FIP1L1: variants seen among roughly 807,000 people sequenced by gnomAD.
The protein encoded by FIP1L1 is factor interacting with PAPOLA and CPSF1, also known as pre-mRNA 3'-end-processing factor FIP1.
In FIP1L1, 21 loss-of-function variants were observed where a neutral mutation model predicts 84.6. The observed-to-expected ratio is 0.25, with a 90% CI of 0.18 to 0.36. The LOEUF is 0.36. FIP1L1 is among the 10% of genes least tolerant of loss of function. The pLI, the probability that FIP1L1 is intolerant of heterozygous loss-of-function variation, is 1.00. For missense variants in FIP1L1, 526 were observed against 751.1 expected (o/e 0.70, Z 3.50); for synonymous variants, 263 against 242.3 (o/e 1.09, Z -0.80).
intron 10 of FIP1L1, among the ~76,000 whole-genome samples, chr4:53,409,086 T>A (rs943594296): frequency 6.6e-6 from 1 of 152,212 alleles, no homozygotes; most frequent in African/African-American, 2.4e-5. Flanking sequence ...TTTTAGAGTT[T>A]CGAGTTTTTC....
intron 7 of FIP1L1, 67 bp from the exon 8 acceptor site, chr4:53,390,942 A>G (rs1323284652): frequency 1.2e-5 from 15 of 1,280,644 alleles, no homozygotes; most frequent in South Asian, 9.4e-5. Flanking sequence ...ATAGTTTAGT[A>G]TATTTTTGAT....
chr4:53,382,253 G>C (rs1437727048), intron 3 of FIP1L1, 25 bp from the exon 4 acceptor site: 3 of 1,568,144 alleles, frequency 1.9e-6, no homozygotes, highest in Non-Finnish European at 2.6e-6. Context: ...TGCCTGACAT[G>C]TATACTTACT....
chr4:53,451,246 T>C (rs1715723966), intron 15 of FIP1L1, among the ~76,000 whole-genome samples: 1 of 151,646 alleles, frequency 6.6e-6, no homozygotes, highest in African/African-American at 2.4e-5. Context: ...CCTGGGATTA[T>C]AGGCATGAAC....
At chr4:53,404,416 G>A (rs1560513447) in intron 10 of FIP1L1, among the ~76,000 whole-genome samples, 1 of 151,896 alleles carries the variant, frequency 6.6e-6, no homozygotes, top group Non-Finnish European at 1.5e-5. Flanking sequence ...TGTCATTGTT[G>A]GACATTTGGG....
rs1322195199 is a variant in FIP1L1, at chr4:53,391,280, C to T, written c.636+141C>T. The T allele has an allele frequency of 6.8e-6, 8 of 1,179,798 alleles. No homozygotes were observed. The East Asian group carries it at 1.9e-4, about 28-fold the overall frequency. 73.1% of individuals were successfully genotyped at this position (1,179,798 alleles called of 1,614,324 possible). A position where few individuals can be genotyped will look rare whatever the true frequency, so the allele number is the denominator to read the frequency against. On this transcript the variant is annotated intron_variant, in intron 8 of 17. Transcript: ENST00000337488. ...CATTTTGTTTACCATGTTTGTTTTTCCCTTCCCTCCCTTTTAGAGTTTCGT... is the reference window on the plus strand; with the variant it reads ...CATTTTGTTTACCATGTTTGTTTTTTCCTTCCCTCCCTTTTAGAGTTTCGT...
intron 10 of FIP1L1, 66 bp from the exon 11 acceptor site, chr4:53,414,549 A>C: frequency 1.8e-6 from 2 of 1,102,840 alleles, no homozygotes; most frequent in Admixed American, 5.1e-5. Context: ...AAAAAAAAAA[A>C]AACAGAACAA....
In FIP1L1 at chr4:53,379,098, T is replaced by C; in HGVS notation, c.111T>C (p.Ser37=). The part of the protein sequence containing the change: ...YGGPWDVHVH[S]DLAKDLDENE... Reference sequence around the variant, plus strand: ...GCCCATGGGACGTGCATGTGCACAGTGATTTGGCAAAGGACCTAGGTTAGT... The same window carrying C: ...GCCCATGGGACGTGCATGTGCACAGCGATTTGGCAAAGGACCTAGGTTAGT... The change falls in exon 2 of 18, where the codon AGT becomes AGC. Residue 37 remains serine (S), a synonymous_variant. Coordinates refer to ENST00000337488, the MANE Select transcript of FIP1L1 (RefSeq NM_030917.4). 6.2e-7 allele frequency: 1 copy of C among 1,614,142 alleles called. No homozygotes were observed. Among genetic ancestry groups the C allele is most frequent in the Non-Finnish European group, 8.5e-7 (1 of 1,179,990 alleles).
chr4:53,447,057 A>C (rs562906323), intron 15 of FIP1L1, among the ~76,000 whole-genome samples: 14 of 152,250 alleles, frequency 9.2e-5, no homozygotes, highest in South Asian at 4.1e-4. Flanking sequence ...TAGTAAAACA[A>C]GGTTTTAGAA....
chr4:53,460,729 A>AT lies in FIP1L1; in HGVS notation c.*1287dup. 1.7e-6 allele frequency: 1 copy of AT among 593,918 alleles called. No individual in the cohort carries two copies. Among genetic ancestry groups the AT allele is most frequent in the Non-Finnish European group, 2.8e-6 (1 of 356,588 alleles). 36.8% of individuals were successfully genotyped at this position (593,918 alleles called of 1,614,324 possible). ...CACTGAAAAAAAACTAGTAGTTTTAATTTTTTTGGAATCATATTTTCTGAG... is the reference window on the plus strand; with the variant it reads ...CACTGAAAAAAAACTAGTAGTTTTAATTTTTTTTGGAATCATATTTTCTGAG... On this transcript the variant is annotated 3_prime_UTR_variant, in exon 18 of 18. Coordinates refer to ENST00000337488, the MANE Select transcript of FIP1L1 (RefSeq NM_030917.4).
At chr4:53,396,735 C>T (rs1326827451) in intron 9 of FIP1L1, among the ~76,000 whole-genome samples, 2 of 152,184 alleles carry the variant, frequency 1.3e-5, no homozygotes, top group Non-Finnish European at 2.9e-5. Flanking sequence ...TCTTTTACAA[C>T]CTCAAATGGA....
chr4:53,431,067 T>C (rs1003255965), intron 13 of FIP1L1, among the ~76,000 whole-genome samples: 24 of 152,224 alleles, frequency 1.6e-4, no homozygotes, highest in African/African-American at 4.8e-4. Context: ...TCAAGTGGTC[T>C]TGTACGTACT....
chr4:53,420,451 TAA>T (rs1761949819), intron 11 of FIP1L1, among the ~76,000 whole-genome samples: 1 of 136,596 alleles, frequency 7.3e-6, no homozygotes. Context: ...AAAAAAAAGA[TAA>T]ATCAGACACT....
intron 1 of FIP1L1, chr4:53,378,705 T>A: frequency 4.6e-6 from 1 of 216,630 alleles, no homozygotes; most frequent in Non-Finnish European, 9.2e-6. Context: ...TTTTTAACTT[T>A]AAGTCACAAT....
intron 9 of FIP1L1, among the ~76,000 whole-genome samples, chr4:53,393,234 A>C (rs575361541): frequency 1.3e-5 from 2 of 152,212 alleles, no homozygotes; most frequent in Non-Finnish European, 2.9e-5. Context: ...AGCTGTTGCC[A>C]TACTATGGGA....
chr4:53,401,201 T>A (rs181787562), intron 10 of FIP1L1, among the ~76,000 whole-genome samples: 1 of 152,348 alleles, frequency 6.6e-6, no homozygotes, highest in African/African-American at 2.4e-5. Flanking sequence ...TGTTTGCTAT[T>A]ATACTTAAAC....
Position 53,460,717 on chromosome 4 carries a change from C to A in FIP1L1, c.*1268C>A, listed in dbSNP as rs1406753800. The A allele has an allele frequency of 5.6e-6, 3 of 537,898 alleles. No individual in the cohort carries two copies. The highest frequency in any genetic ancestry group is 5.0e-4 in the Middle Eastern group (1 of 2,012). 33.3% of individuals were successfully genotyped at this position (537,898 alleles called of 1,614,324 possible). A position where few individuals can be genotyped will look rare whatever the true frequency, so the allele number is the denominator to read the frequency against. On this transcript the variant is annotated 3_prime_UTR_variant, in exon 18 of 18. Transcript: ENST00000337488. ...AGAAATCCTCCACACTGAAAAAAAACTAGTAGTTTTAATTTTTTTGGAATC... is the reference window on the plus strand; with the variant it reads ...AGAAATCCTCCACACTGAAAAAAAAATAGTAGTTTTAATTTTTTTGGAATC...
chr4:53,451,378 G>T (rs1382767373), intron 15 of FIP1L1, among the ~76,000 whole-genome samples: 1 of 151,036 alleles, frequency 6.6e-6, no homozygotes, highest in Non-Finnish European at 1.5e-5. Context: ...TTATAGTTAG[G>T]TTTTTAAAAA....
At chr4:53,409,025 C>CCGTTGCTTGTGAGGAACTG (rs1332270344) in intron 10 of FIP1L1, among the ~76,000 whole-genome samples, 11 of 152,186 alleles carry the variant, frequency 7.2e-5, no homozygotes, top group African/African-American at 2.2e-4. Context: ...CAGCTTTGTT[C>CCGTTGCTTGTGAGGAACTG]CGTTGCTTGT....
At chr4:53,413,601 A>G (rs1403447831) in intron 10 of FIP1L1, among the ~76,000 whole-genome samples, 1 of 152,116 alleles carries the variant, frequency 6.6e-6, no homozygotes, top group Non-Finnish European at 1.5e-5. Flanking sequence ...TTTTACTGTT[A>G]TAAGAAAACC....
Sources: allele counts gnomAD v4.1 joint callset (sites outside exome capture counted in the v4.1 genomes callset), GRCh38; gene constraint gnomAD v4.1.1; transcripts MANE v1.5; gene names NCBI Gene and HGNC (gene_info 2026-07-23, HGNC 2026-07-21).